The following CCSER1 variants were observed in gnomAD, a reference collection of about 807,000 sequenced individuals.
CCSER1 encodes the protein coiled-coil serine rich protein 1.
Under a neutral mutation model 82.0 loss-of-function variants are expected in CCSER1, and 41 were observed. The observed-to-expected ratio is 0.50, with a 90% CI of 0.39 to 0.65. The LOEUF (loss-of-function observed/expected upper bound fraction) is 0.65, where lower values mean the gene tolerates loss of function less well. Among genes scored for constraint, CCSER1 ranks in the 30% least tolerant of loss-of-function variants. CCSER1 has a pLI of 0.00. For missense variants in CCSER1, 1,119 were observed against 1,064.2 expected (o/e 1.05, Z -0.72); for synonymous variants, 414 against 383.9 (o/e 1.08, Z -0.92).
chr4:90,928,213 G>C (rs1364054981), intron 9 of CCSER1, among the ~76,000 whole-genome samples: 1 of 151,818 alleles, frequency 6.6e-6, no homozygotes, highest in African/African-American at 2.4e-5. Flanking sequence ...TTGCTTATGG[G>C]CTATAATTTT....
chr4:91,521,941 A>G (rs1378555555), intron 10 of CCSER1, among the ~76,000 whole-genome samples: 1 of 152,152 alleles, frequency 6.6e-6, no homozygotes, highest in Non-Finnish European at 1.5e-5. Flanking sequence ...TGTTTTAGAC[A>G]TGAAGTCCTT....
chr4:91,538,163 C>A (rs1438071774), intron 10 of CCSER1, among the ~76,000 whole-genome samples: 4 of 151,930 alleles, frequency 2.6e-5, no homozygotes, highest in African/African-American at 7.2e-5. Flanking sequence ...GAAAGAAATT[C>A]TTTCCTTGTA....
intron 3 of CCSER1, among the ~76,000 whole-genome samples, chr4:90,321,323 C>T (rs2153487352): frequency 6.6e-6 from 1 of 152,208 alleles, no homozygotes; most frequent in Admixed American, 6.5e-5. Context: ...ATTTGTCTTT[C>T]CACACTTCAT....
chr4:90,228,979 C>T (rs565020575), intron 1 of CCSER1, among the ~76,000 whole-genome samples: 19 of 152,200 alleles, frequency 1.2e-4, no homozygotes, highest in African/African-American at 3.4e-4. Flanking sequence ...CGTGTAAAGA[C>T]GAAATCTACG....
chr4:90,373,953 A>G (rs957273887), intron 3 of CCSER1, among the ~76,000 whole-genome samples: 10 of 152,234 alleles, frequency 6.6e-5, no homozygotes, highest in Admixed American at 4.6e-4. Flanking sequence ...AGGGCACTGA[A>G]TTGGCAAAGA....
chr4:91,110,084 A>G (rs1725965274), intron 10 of CCSER1, among the ~76,000 whole-genome samples: 1 of 152,030 alleles, frequency 6.6e-6, no homozygotes, highest in East Asian at 1.9e-4. Flanking sequence ...TAACTCATCT[A>G]CCTGTTATCT....
intron 5 of CCSER1, among the ~76,000 whole-genome samples, chr4:90,478,269 G>T (rs1474242362): frequency 6.6e-6 from 1 of 152,068 alleles, no homozygotes; most frequent in East Asian, 1.9e-4. Flanking sequence ...ATTGATTCCT[G>T]TCTGTTTCTA....
At chr4:91,430,353 A>G (rs1427183434) in intron 10 of CCSER1, among the ~76,000 whole-genome samples, 1 of 152,178 alleles carries the variant, frequency 6.6e-6, no homozygotes, top group South Asian at 2.1e-4. Flanking sequence ...ATTATTTGAA[A>G]CGTATTAGAT....
At chr4:90,339,828 A>AT (rs1219824155) in intron 3 of CCSER1, among the ~76,000 whole-genome samples, 3 of 151,876 alleles carry the variant, frequency 2.0e-5, no homozygotes, top group African/African-American at 7.3e-5. Flanking sequence ...TTTACATAAT[A>AT]TATGTTTGCT....
At chr4:90,149,754 A>G (rs1236500034) in intron 1 of CCSER1, among the ~76,000 whole-genome samples, 1 of 152,176 alleles carries the variant, frequency 6.6e-6, no homozygotes, top group Non-Finnish European at 1.5e-5. Context: ...TTATAAACTT[A>G]GTGCTCTTGA....
At chr4:91,399,159 T>C (rs1361618047) in intron 10 of CCSER1, among the ~76,000 whole-genome samples, 3 of 151,808 alleles carry the variant, frequency 2.0e-5, no homozygotes, top group East Asian at 1.9e-4. Context: ...GACAAGAGGA[T>C]AGGCAGCAAT....
intron 9 of CCSER1, among the ~76,000 whole-genome samples, chr4:90,977,877 T>C (rs906731436): frequency 2.6e-5 from 4 of 151,736 alleles, no homozygotes; most frequent in African/African-American, 4.8e-5. Context: ...TATTTTCATT[T>C]TGATGGTATC....
chr4:90,924,657 A>G (rs1268463050), intron 9 of CCSER1, among the ~76,000 whole-genome samples: 1 of 152,164 alleles, frequency 6.6e-6, no homozygotes, highest in Admixed American at 6.5e-5. Flanking sequence ...ATTTACCACA[A>G]GTAGTTCAAT....
intron 1 of CCSER1, among the ~76,000 whole-genome samples, chr4:90,243,935 G>A (rs749096616): frequency 8.6e-5 from 13 of 151,028 alleles, no homozygotes; most frequent in Non-Finnish European, 1.8e-4. Context: ...TTATTTCAAC[G>A]TTATGACTTA....
intron 1 of CCSER1, among the ~76,000 whole-genome samples, chr4:90,271,894 AG>A (rs1726601553): frequency 2.3e-5 from 2 of 85,254 alleles, no homozygotes; most frequent in African/African-American, 8.8e-5. Flanking sequence ...TTTTTTTAAA[AG>A]GAGGTTTAAT....
In CCSER1 at chr4:91,473,168, C is replaced by T. The variant is rs558118794; in HGVS notation, c.2218-125404C>T. ...AGAGCTTCTCCTTGAGATGAGCAAA[C>T]TTGGAATGTAAGGAAAGTTACTGTT... On this transcript the variant is annotated intron_variant, in intron 10 of 10. Transcript: ENST00000509176. Among the ~76,000 whole-genome samples the T allele has an allele frequency of 1.6e-3, 237 of 152,268 alleles. 2 individuals are homozygous for T. Among genetic ancestry groups the T allele is most frequent in the Middle Eastern group, 0.014 (4 of 294 alleles).
At chr4:90,604,868 A>G (rs1784441825) in intron 5 of CCSER1, among the ~76,000 whole-genome samples, 1 of 152,174 alleles carries the variant, frequency 6.6e-6, no homozygotes, top group Non-Finnish European at 1.5e-5. Context: ...CCCTGTCAAA[A>G]TGGGCCAATC....
chr4:90,557,212 C>T (rs994737774), intron 5 of CCSER1, among the ~76,000 whole-genome samples: 3 of 151,888 alleles, frequency 2.0e-5, no homozygotes, highest in African/African-American at 7.2e-5. Context: ...TAAAATTGCT[C>T]AGCGGATAAT....
Position 90,705,605 on chromosome 4 carries a change from C to T in CCSER1, c.1933-18309C>T, listed in dbSNP as rs185778599. Among the ~76,000 whole-genome samples, 425 of 152,318 alleles carry T rather than the reference C, an allele frequency of 2.8e-3. 1 individual carries two copies. The highest frequency in any genetic ancestry group is 9.9e-3 in the African/African-American group (410 of 41,576). On this transcript the variant is annotated intron_variant, in intron 6 of 10. Transcript: ENST00000509176. The stretch of plus-strand genomic sequence containing the variant: ...ACAGAGGCAGGCAGGCTTCCTTGAG[C>T]TGTGGTGGTCTCCACCCAGTTTGAG...
Sources: gnomAD v4.1 joint callset for allele counts (sites outside exome capture counted in the v4.1 genomes callset) on GRCh38, gnomAD v4.1.1 for gene constraint, MANE v1.5 for transcripts, NCBI Gene and HGNC (gene_info 2026-07-23, HGNC 2026-07-21) for gene names.